The following KIF26B variants were observed in gnomAD, a reference collection of about 807,000 sequenced individuals.
KIF26B encodes the protein kinesin family member 26B, also known as kinesin-like protein KIF26B.
Under a neutral mutation model 151.2 loss-of-function variants are expected in KIF26B, and 63 were observed. That is an observed-to-expected ratio of 0.42 (90% CI 0.34 to 0.51). The LOEUF (loss-of-function observed/expected upper bound fraction) is 0.51. KIF26B is among the 20% of genes least tolerant of loss of function. The pLI is 0.07. For synonymous variants in KIF26B, 1,357 were observed against 1,262.1 expected, an observed-to-expected ratio of 1.08 and a Z score of -1.59; for missense variants, 2,813 against 2,913.6, an observed-to-expected ratio of 0.97 and a Z score of 0.79.
intron 4 of KIF26B, among the ~76,000 whole-genome samples, chr1:245,484,350 C>T (rs1333602119): frequency 2.6e-5 from 4 of 151,866 alleles, no homozygotes; most frequent in Admixed American, 6.6e-5. Context: ...AGCCACATAA[C>T]TGCCTTTCCC....
intron 2 of KIF26B, among the ~76,000 whole-genome samples, chr1:245,346,736 T>C (rs941253435): frequency 1.3e-5 from 2 of 152,210 alleles, no homozygotes. Context: ...TTATCTGTTA[T>C]GCTCCAGCTC....
Position 245,571,134 on chromosome 1 carries a change from C to T in KIF26B, c.1350+30184C>T, listed in dbSNP as rs191296551. ...TCCCTCCATGACAAAGACCTGGATT[C>T]GTTCACACATTTAGTGATTCAGCAA... On this transcript the variant is annotated intron_variant, in intron 5 of 14. Transcript: ENST00000407071. 4.4e-3 allele frequency among the ~76,000 whole-genome samples: 673 copies of T among 152,312 alleles called. 4 individuals are homozygous for T. Among genetic ancestry groups the T allele is most frequent in the Non-Finnish European group, 5.3e-3 (358 of 68,026 alleles).
intron 2 of KIF26B, among the ~76,000 whole-genome samples, chr1:245,199,487 G>GT (rs1231649291): frequency 0.03 from 4,301 of 143,484 alleles, 158 homozygotes; most frequent in African/African-American, 0.09. Context: ...CATATCTTTG[G>GT]TTTTTTTTTT....
rs113533587 is a variant in KIF26B at position 245,427,674 on chromosome 1, ATT to A, written c.1166+7937_1166+7938del. Among the ~76,000 whole-genome samples the A allele has an allele frequency of 3.4e-4, 51 of 151,314 alleles. No individual in the cohort carries two copies. In the East Asian group the frequency reaches 5.1e-3, roughly 15 times the overall value. Reference sequence around the variant, plus strand: ...TCATATTGTAGAACTTCACTGTATTATTTTTTTTTCCTGTTTCTTGTTTTGTT... The same window carrying A: ...TCATATTGTAGAACTTCACTGTATTATTTTTTTCCTGTTTCTTGTTTTGTT... On this transcript the variant is annotated intron_variant, in intron 4 of 14. Transcript: ENST00000407071.
chr1:245,690,078 A>G (rs1030410817), intron 12 of KIF26B, among the ~76,000 whole-genome samples: 6 of 152,200 alleles, frequency 3.9e-5, no homozygotes, highest in Non-Finnish European at 7.3e-5. Context: ...GACAGAGGCA[A>G]AAGTTCCCAA....
chr1:245,431,809 T>C (rs1658788778), intron 4 of KIF26B, among the ~76,000 whole-genome samples: 1 of 152,198 alleles, frequency 6.6e-6, no homozygotes, highest in Non-Finnish European at 1.5e-5. Flanking sequence ...CTAATTTTGT[T>C]AGTTACTAAA....
chr1:245,310,590 C>A (rs527865798), intron 2 of KIF26B, among the ~76,000 whole-genome samples: 7 of 152,180 alleles, frequency 4.6e-5, no homozygotes, highest in Non-Finnish European at 4.4e-5. Flanking sequence ...TTACTCTCAG[C>A]GGTGAAAATG....
chr1:245,268,623 G>A (rs939286781), intron 2 of KIF26B, among the ~76,000 whole-genome samples: 3 of 151,938 alleles, frequency 2.0e-5, no homozygotes, highest in Non-Finnish European at 2.9e-5. Context: ...TGCTGAAACA[G>A]TTTAAGTACA....
At chr1:245,598,593 A>C (rs1333863364) in intron 5 of KIF26B, among the ~76,000 whole-genome samples, 1 of 152,036 alleles carries the variant, frequency 6.6e-6, no homozygotes, top group Non-Finnish European at 1.5e-5. Flanking sequence ...CTCAGCCTCC[A>C]GTCAGGCTGT....
intron 9 of KIF26B, among the ~76,000 whole-genome samples, chr1:245,622,912 C>G (rs1453432347): frequency 6.6e-6 from 1 of 152,064 alleles, no homozygotes; most frequent in African/African-American, 2.4e-5. Flanking sequence ...GCGGCCTTCT[C>G]CGGCTGCTTC....
At chr1:245,523,501 G>A (rs11810101) in intron 4 of KIF26B, among the ~76,000 whole-genome samples, 22,882 of 152,130 alleles carry the variant, frequency 0.15, 1,872 homozygotes, top group Middle Eastern at 0.21. Context: ...TATAAACAAC[G>A]GAAGTTTATT....
intron 2 of KIF26B, among the ~76,000 whole-genome samples, chr1:245,280,242 G>T (rs1052595753): frequency 3.3e-5 from 5 of 151,824 alleles, no homozygotes; most frequent in African/African-American, 1.2e-4. Context: ...GGCCGGGTGC[G>T]GTGGCTCACG....
intron 4 of KIF26B, among the ~76,000 whole-genome samples, chr1:245,433,622 G>A (rs2103042937): frequency 6.6e-6 from 1 of 152,270 alleles, no homozygotes; most frequent in South Asian, 2.1e-4. Flanking sequence ...ATTTTCCATT[G>A]TTGATTTCAA....
At chr1:245,316,106 G>A (rs1365563880) in intron 2 of KIF26B, among the ~76,000 whole-genome samples, 1 of 151,850 alleles carries the variant, frequency 6.6e-6, no homozygotes, top group Non-Finnish European at 1.5e-5. Context: ...AAATTGCTGA[G>A]ACTGAGTCAT....
At chr1:245,525,260 G>A (rs1209225326) in intron 4 of KIF26B, among the ~76,000 whole-genome samples, 1 of 152,128 alleles carries the variant, frequency 6.6e-6, no homozygotes, top group African/African-American at 2.4e-5. Flanking sequence ...TTCTGTCTAT[G>A]GAGGCAAAGG....
chr1:245,292,630 A>T (rs1052890341), intron 2 of KIF26B, among the ~76,000 whole-genome samples: 3 of 152,164 alleles, frequency 2.0e-5, no homozygotes, highest in Non-Finnish European at 4.4e-5. Context: ...TGCCTTAGGC[A>T]TCTGGTTTTC....
intron 2 of KIF26B, among the ~76,000 whole-genome samples, chr1:245,207,855 T>C (rs1387531366): frequency 6.6e-6 from 1 of 152,222 alleles, no homozygotes; most frequent in African/African-American, 2.4e-5. Flanking sequence ...AGTGAGTTCC[T>C]TACCAGGTGC....
At chr1:245,562,590 C>T (rs1415990008) in intron 5 of KIF26B, among the ~76,000 whole-genome samples, 1 of 149,478 alleles carries the variant, frequency 6.7e-6, no homozygotes, top group East Asian at 2.4e-4. Context: ...CAAGCCCCGC[C>T]CCCCCCTTCC....
At chr1:245,235,046 G>A (rs1670079112) in intron 2 of KIF26B, among the ~76,000 whole-genome samples, 1 of 152,184 alleles carries the variant, frequency 6.6e-6, no homozygotes, top group Non-Finnish European at 1.5e-5. Flanking sequence ...AACTGACACT[G>A]TCCCTTCGGC....
Sources: gnomAD v4.1 joint callset for allele counts (sites outside exome capture counted in the v4.1 genomes callset) on GRCh38, gnomAD v4.1.1 for gene constraint, MANE v1.5 for transcripts, NCBI Gene and HGNC (gene_info 2026-07-23, HGNC 2026-07-21) for gene names.